Variants in DRD3 observed in about 807,000 individuals in gnomAD.
The protein encoded by DRD3 is D(3) dopamine receptor.
Under a neutral mutation model 36.3 loss-of-function variants are expected in DRD3, and 19 were observed. That is an observed-to-expected ratio of 0.52 (90% CI 0.36 to 0.77). DRD3 has a LOEUF of 0.77. Ranked by LOEUF, DRD3 falls within the 30% of genes least tolerant of loss-of-function variation. The pLI is 0.00. For synonymous variants in DRD3, 195 were observed against 203.7 expected (o/e 0.96, Z 0.36); for missense variants, 465 against 505.3 (o/e 0.92, Z 0.77).
chr3:114,162,122 G>A (rs2077738944), intron 2 of DRD3, among the ~76,000 whole-genome samples: 1 of 152,144 alleles, frequency 6.6e-6, no homozygotes, highest in African/African-American at 2.4e-5. Flanking sequence ...ATGTACTACA[G>A]GGCCTATCCT....
At chr3:114,196,452 C>T (rs2078036043) in intron 1 of DRD3, among the ~76,000 whole-genome samples, 1 of 152,104 alleles carries the variant, frequency 6.6e-6, no homozygotes, top group Non-Finnish European at 1.5e-5. Flanking sequence ...GTAGCTGGGA[C>T]CACATGCTCA....
At chr3:114,190,826 A>G (rs781392833) in intron 1 of DRD3, among the ~76,000 whole-genome samples, 91 of 152,222 alleles carry the variant, frequency 6.0e-4, no homozygotes, top group Non-Finnish European at 1.2e-3. Flanking sequence ...GGGAGACCCC[A>G]AAGTAGGATA....
chr3:114,128,179 C>T lies in DRD3; in HGVS notation c.*537G>A, dbSNP rs749749053. On this transcript the variant is annotated 3_prime_UTR_variant, in exon 7 of 7. Coordinates refer to ENST00000383673, the MANE Select transcript of DRD3 (RefSeq NM_000796.6). ...ATTCACCTCACCAAATGTAGCCCAT[C>T]GGATTCTACAGAGAGGTAGAAGCAC... Among the ~76,000 whole-genome samples the T allele has an allele frequency of 3.9e-5, 6 of 152,158 alleles. No individual in the cohort carries two copies. The highest frequency in any genetic ancestry group is 7.2e-5 in the African/African-American group (3 of 41,434).
At position 114,156,718 on chromosome 3, in the gene DRD3, T is replaced by TG. The variant is rs2077671433; in HGVS notation, c.383+3036_383+3037insC. On this transcript the variant is annotated intron_variant, in intron 3 of 6. Transcript: ENST00000383673. ...TTTTCCACAATATGGCTTGCCTGTC[T>TG]TTCTTTCTTTCTTTCTTTCTTTCTT... is the stretch of plus-strand genomic sequence containing the variant. Among the ~76,000 whole-genome samples the TG allele has an allele frequency of 4.0e-3, 10 of 2,530 alleles. No individual in the cohort carries two copies. In the South Asian group the frequency reaches 0.06, roughly 15 times the overall value. 1.7% of individuals were successfully genotyped at this position (2,530 alleles called of 152,430 possible). A position where few individuals can be genotyped will look rare whatever the true frequency, so the allele number is the denominator to read the frequency against.
intron 5 of DRD3, among the ~76,000 whole-genome samples, chr3:114,139,019 C>A (rs1288137710): frequency 6.6e-6 from 1 of 152,184 alleles, no homozygotes; most frequent in Non-Finnish European, 1.5e-5. Flanking sequence ...CAATAAAATG[C>A]TTTATCAGCA....
At chr3:114,152,085 C>T (rs749803525) in intron 3 of DRD3, among the ~76,000 whole-genome samples, 2 of 152,180 alleles carry the variant, frequency 1.3e-5, no homozygotes, top group South Asian at 2.1e-4. Flanking sequence ...TTTTATTTTT[C>T]GATAAGTTAT....
At chr3:114,155,178 G>A (rs181983832) in intron 3 of DRD3, among the ~76,000 whole-genome samples, 3 of 152,302 alleles carry the variant, frequency 2.0e-5, no homozygotes, top group African/African-American at 4.8e-5. Flanking sequence ...AAAGGTCTGC[G>A]TGAATGACTG....
intron 3 of DRD3, among the ~76,000 whole-genome samples, chr3:114,153,690 G>A (rs1015065983): frequency 3.9e-5 from 6 of 152,218 alleles, no homozygotes; most frequent in African/African-American, 1.4e-4. Flanking sequence ...GGAGCCCAGA[G>A]CCAGACTCGC....
At chr3:114,186,045 C>T (rs887908829) in intron 1 of DRD3, among the ~76,000 whole-genome samples, 3 of 152,120 alleles carry the variant, frequency 2.0e-5, no homozygotes, top group African/African-American at 7.2e-5. Flanking sequence ...GTTTCTGTGT[C>T]AAGGATCAGC....
In DRD3 at chr3:114,184,245, T is replaced by C. The variant is rs1022264292; in HGVS notation, c.-155-5469A>G. ...CAATAACATAAAATATCTGGTCCTC[T>C]ACTATTCTTTCTTCACTCTTTTTGG... On this transcript the variant is annotated intron_variant, in intron 1 of 7. Coordinates refer to the DRD3 transcript ENST00000460779. Among the ~76,000 whole-genome samples, 29 of 152,216 alleles carry C rather than the reference T, an allele frequency of 1.9e-4. 1 individual carries two copies. Among genetic ancestry groups the C allele is most frequent in the Admixed American group, 1.2e-3 (18 of 15,286 alleles).
intron 2 of DRD3, among the ~76,000 whole-genome samples, chr3:114,164,665 A>G (rs962339157): frequency 4.5e-4 from 68 of 152,240 alleles, no homozygotes; most frequent in African/African-American, 1.6e-3. Context: ...TGTTGTTCCT[A>G]AAGCAGGTTT....
chr3:114,133,765 G>T (rs112114088), intron 5 of DRD3, among the ~76,000 whole-genome samples: 2 of 152,248 alleles, frequency 1.3e-5, no homozygotes, highest in Non-Finnish European at 2.9e-5. Context: ...TCAGACTATT[G>T]TGTCAGTCTT....
intron 5 of DRD3, among the ~76,000 whole-genome samples, chr3:114,139,284 T>G (rs1242390760): frequency 1.3e-5 from 2 of 152,222 alleles, no homozygotes; most frequent in East Asian, 3.9e-4. Context: ...TCCAATCACT[T>G]TGCCAGGTAA....
intron 5 of DRD3, among the ~76,000 whole-genome samples, chr3:114,137,873 C>T (rs1363148462): frequency 2.6e-5 from 4 of 151,138 alleles, no homozygotes; most frequent in Non-Finnish European, 5.9e-5. Context: ...TGGTGGGCGC[C>T]TGTAGTCCCA....
chr3:114,184,771 C>T (rs1451572106), intron 1 of DRD3, among the ~76,000 whole-genome samples: 1 of 152,096 alleles, frequency 6.6e-6, no homozygotes, highest in Non-Finnish European at 1.5e-5. Flanking sequence ...GCCATGTTGG[C>T]CAGGCTGGTC....
At position 114,131,156 on chromosome 3, in the gene DRD3, C is replaced by T. The variant is rs370774588; in HGVS notation, c.968G>A (p.Arg323Gln). 19 of 1,614,008 alleles carry T rather than the reference C, an allele frequency of 1.2e-5. 1 individual carries two copies. The highest frequency in any genetic ancestry group is 6.7e-5 in the Admixed American group (4 of 59,994). ...GPLQPRGVPLREKKATQMVAI... is the reference protein window; with the variant it reads ...GPLQPRGVPLQEKKATQMVAI... The stretch of plus-strand genomic sequence containing the variant: ...CACCATTTGGGTTGCCTTCTTCTCC[C>T]GAAGTGGCACTCCCCGAGGTTGCAG... The change falls in exon 6 of 7, where the codon CGG becomes CAG. Residue 323 changes from arginine (R) to glutamine (Q), a missense_variant. Coordinates refer to ENST00000383673, the MANE Select transcript of DRD3 (RefSeq NM_000796.6).
At chr3:114,193,062 G>A (rs1453436270) in intron 1 of DRD3, among the ~76,000 whole-genome samples, 2 of 151,944 alleles carry the variant, frequency 1.3e-5, no homozygotes, top group Admixed American at 6.6e-5. Flanking sequence ...GGTAGATCAC[G>A]AGGTCAGGAG....
chr3:114,139,484 C>G lies in DRD3; in HGVS notation c.723+16G>C, dbSNP rs201403721. 1.6e-5 allele frequency: 25 copies of G among 1,608,718 alleles called. No homozygotes were observed. The highest frequency in any genetic ancestry group is 1.9e-4 in the Middle Eastern group (1 of 5,192). On this transcript the variant is annotated intron_variant, in intron 5 of 6. Coordinates refer to ENST00000383673, the MANE Select transcript of DRD3 (RefSeq NM_000796.6). ...ATTGGGTGTTGTCTTCCCTCTACCC[C>G]CTCCAGGGTACTTACTTGCTGGGGG...
rs1442401537 is a variant in DRD3, at chr3:114,171,818, C to T, written c.175G>A (p.Ala59Thr). Residue 59 changes from alanine to threonine, a missense_variant, in exon 2 of 7, where the codon GCC (alanine) becomes ACC (threonine). Coordinates refer to ENST00000383673, the MANE Select transcript of DRD3 (RefSeq NM_000796.6). ...LVCMAVLKER[A>T]LQTTTNYLVV... The stretch of plus-strand genomic sequence containing the variant: ...AAGTAGTTGGTGGTAGTCTGCAGGG[C>T]CCGCTCCTTCAGCACAGCCATGCAC... 12 of 1,613,990 alleles carry T rather than the reference C, an allele frequency of 7.4e-6. No individual in the cohort carries two copies. The highest frequency in any genetic ancestry group is 1.0e-5 in the Non-Finnish European group (12 of 1,179,974).
Sources: gnomAD v4.1 joint callset for allele counts (sites outside exome capture counted in the v4.1 genomes callset) on GRCh38, gnomAD v4.1.1 for gene constraint, MANE v1.5 for transcripts, NCBI Gene and HGNC (gene_info 2026-07-23, HGNC 2026-07-21) for gene names.